Variants in DNER observed in about 807,000 individuals in gnomAD.
DNER encodes the protein delta and Notch-like epidermal growth factor-related receptor.
Under a neutral mutation model 78.2 loss-of-function variants are expected in DNER, and 33 were observed. The ratio of observed to expected loss-of-function variants is 0.42; its 90% CI spans 0.32 to 0.56. DNER has a LOEUF of 0.56. DNER is among the 20% of genes least tolerant of loss of function. The pLI, the probability that DNER is intolerant of heterozygous loss-of-function variation, is 0.11. For synonymous variants in DNER, 417 were observed against 384.8 expected, an observed-to-expected ratio of 1.08 and a Z score of -0.98; for missense variants, 918 against 975.3, an observed-to-expected ratio of 0.94 and a Z score of 0.78.
At chr2:229,555,536 C>G (rs896977530) in intron 4 of DNER, among the ~76,000 whole-genome samples, 3 of 152,136 alleles carry the variant, frequency 2.0e-5, no homozygotes, top group African/African-American at 7.2e-5. Flanking sequence ...TGTGCTCAGG[C>G]GTAAAACATC....
intron 11 of DNER, among the ~76,000 whole-genome samples, chr2:229,383,898 G>C (rs1237652051): frequency 2.0e-5 from 3 of 152,026 alleles, no homozygotes; most frequent in Non-Finnish European, 2.9e-5. Flanking sequence ...CTCAGCTCTG[G>C]ACCAAGCAGA....
At chr2:229,503,205 C>G (rs1308320710) in intron 6 of DNER, among the ~76,000 whole-genome samples, 1 of 152,176 alleles carries the variant, frequency 6.6e-6, no homozygotes, top group Non-Finnish European at 1.5e-5. Context: ...TTGACCCCCA[C>G]TGGCAAAACT....
At chr2:229,686,796 G>A (rs1413700438) in intron 1 of DNER, among the ~76,000 whole-genome samples, 1 of 152,158 alleles carries the variant, frequency 6.6e-6, no homozygotes, top group Non-Finnish European at 1.5e-5. Flanking sequence ...CCAAACAGGT[G>A]GCTTTAATTG....
At chr2:229,547,635 G>A (rs1198024758) in intron 4 of DNER, among the ~76,000 whole-genome samples, 5 of 152,182 alleles carry the variant, frequency 3.3e-5, no homozygotes, top group Non-Finnish European at 7.3e-5. Flanking sequence ...CAAATTCTCT[G>A]TTGGGTTTAT....
At chr2:229,563,534 G>GTCATCATCCTCTCCCCATCACCATCATCA (rs779676564) in intron 4 of DNER, among the ~76,000 whole-genome samples, 1 of 75,806 alleles carries the variant, frequency 1.3e-5, no homozygotes, top group Admixed American at 1.4e-4. Context: ...CACCATCATC[G>GTCATCATCCTCTCCCCATCACCATCATCA]TCATCACCCC....
intron 1 of DNER, among the ~76,000 whole-genome samples, chr2:229,624,955 G>A (rs1199001237): frequency 6.6e-6 from 1 of 152,104 alleles, no homozygotes; most frequent in Non-Finnish European, 1.5e-5. Context: ...TTTCAAATAT[G>A]TAAGCAAAAT....
rs1699960932 is a variant in DNER, at chr2:229,714,350, C to A, written c.74G>T (p.Gly25Val). ...PALALLLLLL[G>V]AGPRGSSLAN... Reference sequence around the variant, plus strand: ...CAGGGAGCTGCCTCGGGGCCCCGCTCCGAGCAGCAGCAGCAGCAGGGCCAG... The same window carrying A: ...CAGGGAGCTGCCTCGGGGCCCCGCTACGAGCAGCAGCAGCAGCAGGGCCAG... The change falls in exon 1 of 13, where the codon GGA (glycine) becomes GTA (valine). Residue 25 changes from glycine (G) to valine (V), a missense_variant. By Grantham distance (109) the Gly-to-Val change is moderately radical. Transcript: ENST00000341772. 1 of 1,243,280 alleles carries A rather than the reference C, an allele frequency of 8.0e-7. No individual in the cohort carries two copies. The highest frequency in any genetic ancestry group is 3.3e-5 in the South Asian group (1 of 30,274). The allele number at this position is 1,243,280 out of a possible 1,614,324, so 77.0% of individuals were successfully genotyped here. A position where few individuals can be genotyped will look rare whatever the true frequency, so the allele number is the denominator to read the frequency against.
chr2:229,655,450 G>A (rs1698897104), intron 1 of DNER, among the ~76,000 whole-genome samples: 1 of 152,126 alleles, frequency 6.6e-6, no homozygotes, highest in Middle Eastern at 3.2e-3. Context: ...GAAAAGAGAG[G>A]AGATTTCACC....
chr2:229,666,824 T>C (rs1478176984), intron 1 of DNER, among the ~76,000 whole-genome samples: 2 of 152,222 alleles, frequency 1.3e-5, no homozygotes, highest in East Asian at 1.9e-4. Context: ...TATGGTTCTG[T>C]GACTGGGCTC....
intron 1 of DNER, among the ~76,000 whole-genome samples, chr2:229,601,557 G>A (rs1697827175): frequency 6.6e-6 from 1 of 152,186 alleles, no homozygotes; most frequent in Non-Finnish European, 1.5e-5. Flanking sequence ...AATTTGGTCA[G>A]TCCATTATTC....
intron 1 of DNER, among the ~76,000 whole-genome samples, chr2:229,638,239 C>T (rs1698559535): frequency 6.6e-6 from 1 of 152,130 alleles, no homozygotes; most frequent in East Asian, 1.9e-4. Context: ...TGTGGAACCT[C>T]ATAAAGAACT....
At chr2:229,631,076 C>T (rs1016418884) in intron 1 of DNER, among the ~76,000 whole-genome samples, 12 of 152,200 alleles carry the variant, frequency 7.9e-5, no homozygotes, top group African/African-American at 2.9e-4. Flanking sequence ...TCTTTGCTAT[C>T]ACGAATAGCA....
intron 1 of DNER, among the ~76,000 whole-genome samples, chr2:229,599,436 A>AT (rs1697786236): frequency 7.9e-6 from 1 of 126,792 alleles, no homozygotes; most frequent in Admixed American, 8.3e-5. Context: ...TGAATTGGAT[A>AT]ATTTTTTTTA....
intron 4 of DNER, among the ~76,000 whole-genome samples, chr2:229,577,380 G>A (rs1697321563): frequency 6.6e-6 from 1 of 152,102 alleles, no homozygotes; most frequent in Non-Finnish European, 1.5e-5. Flanking sequence ...CTAGAAGTGT[G>A]GATAGGCTGG....
At chr2:229,654,092 A>G (rs2894689) in intron 1 of DNER, among the ~76,000 whole-genome samples, 29,178 of 151,324 alleles carry the variant, frequency 0.19, 2,957 homozygotes, top group South Asian at 0.29. Flanking sequence ...CATTAGGTAT[A>G]TCTCCCTAAT....
At chr2:229,609,672 G>A (rs1428573976) in intron 1 of DNER, among the ~76,000 whole-genome samples, 3 of 152,122 alleles carry the variant, frequency 2.0e-5, no homozygotes, top group African/African-American at 4.8e-5. Flanking sequence ...TGTTCCTAAC[G>A]TGCTGGTGGA....
At chr2:229,676,522 G>T (rs1198466111) in intron 1 of DNER, among the ~76,000 whole-genome samples, 1 of 152,160 alleles carries the variant, frequency 6.6e-6, no homozygotes, top group Non-Finnish European at 1.5e-5. Flanking sequence ...TTAGATTTAG[G>T]TTCACCTGCT....
intron 5 of DNER, among the ~76,000 whole-genome samples, chr2:229,523,436 C>G (rs559374939): frequency 6.6e-6 from 1 of 152,280 alleles, no homozygotes; most frequent in African/African-American, 2.4e-5. Flanking sequence ...TTGGTTTGCC[C>G]GTGGCCATCT....
chr2:229,521,366 C>T (rs1171911444), intron 5 of DNER, among the ~76,000 whole-genome samples: 1 of 152,206 alleles, frequency 6.6e-6, no homozygotes, highest in Non-Finnish European at 1.5e-5. Flanking sequence ...ACCATCACCC[C>T]AAATGCACTG....
Sources: allele counts gnomAD v4.1 joint callset (sites outside exome capture counted in the v4.1 genomes callset), GRCh38; gene constraint gnomAD v4.1.1; transcripts MANE v1.5; gene names NCBI Gene and HGNC (gene_info 2026-07-23, HGNC 2026-07-21).